The following HTR4 variants were observed in gnomAD, a reference collection of about 807,000 sequenced individuals.
HTR4 encodes 5-hydroxytryptamine (serotonin) receptor 4, G protein-coupled.
In HTR4, 16 loss-of-function variants were observed where a neutral mutation model predicts 36.8. That is an observed-to-expected ratio of 0.43 (90% CI 0.29 to 0.66). HTR4 has a LOEUF of 0.66. Ranked by LOEUF, HTR4 falls within the 30% of genes least tolerant of loss-of-function variation. HTR4 has a pLI of 0.13. For missense variants in HTR4, 438 were observed against 490.9 expected, an observed-to-expected ratio of 0.89 and a Z score of 1.02; for synonymous variants, 189 against 185.1, an observed-to-expected ratio of 1.02 and a Z score of -0.17.
intron 4 of HTR4, among the ~76,000 whole-genome samples, chr5:148,527,422 C>G (rs1425985484): frequency 6.6e-6 from 1 of 152,108 alleles, no homozygotes; most frequent in Non-Finnish European, 1.5e-5. Context: ...GCCAGTTTCC[C>G]TTGACATAAT....
chr5:148,500,164 G>GACAC (rs1435602033), intron 6 of HTR4, among the ~76,000 whole-genome samples: 3 of 152,176 alleles, frequency 2.0e-5, no homozygotes, highest in African/African-American at 7.2e-5. Context: ...ATTTCCAAGA[G>GACAC]ACACCTATAT....
intron 3 of HTR4, among the ~76,000 whole-genome samples, chr5:148,549,460 G>A (rs1759571947): frequency 6.6e-6 from 1 of 152,056 alleles, no homozygotes; most frequent in Non-Finnish European, 1.5e-5. Context: ...ACCCTCTTAT[G>A]GCCCAGAGGC....
chr5:148,552,098 T>C (rs2113852251), intron 2 of HTR4, among the ~76,000 whole-genome samples: 1 of 152,304 alleles, frequency 6.6e-6, no homozygotes, highest in Non-Finnish European at 1.5e-5. Context: ...TGCAAAGTCA[T>C]GGCTTTGGCC....
At chr5:148,485,773 A>G (rs1159447310) in intron 6 of HTR4, among the ~76,000 whole-genome samples, 1 of 152,178 alleles carries the variant, frequency 6.6e-6, no homozygotes. Context: ...ATAATAAAGA[A>G]TGAGGGGTGA....
chr5:148,497,667 A>T (rs920050125), intron 6 of HTR4, among the ~76,000 whole-genome samples: 4 of 152,196 alleles, frequency 2.6e-5, no homozygotes, highest in Non-Finnish European at 4.4e-5. Context: ...ACCAAGACAG[A>T]TATTGGTGGG....
chr5:148,529,645 C>A (rs1337911797), intron 4 of HTR4, among the ~76,000 whole-genome samples: 1 of 152,096 alleles, frequency 6.6e-6, no homozygotes, highest in Non-Finnish European at 1.5e-5. Flanking sequence ...AAATTGGTAC[C>A]AGGAGTGGGG....
intron 2 of HTR4, among the ~76,000 whole-genome samples, chr5:148,619,552 A>T (rs1240744892): frequency 2.0e-5 from 3 of 152,204 alleles, no homozygotes; most frequent in Non-Finnish European, 2.9e-5. Context: ...TTTTATGTAC[A>T]GACAACGTGG....
At chr5:148,613,828 C>T (rs1228723122) in intron 2 of HTR4, among the ~76,000 whole-genome samples, 6 of 151,534 alleles carry the variant, frequency 4.0e-5, no homozygotes, top group African/African-American at 1.5e-4. Context: ...GCAACTTCAG[C>T]AAAGTCTCAG....
intron 2 of HTR4, among the ~76,000 whole-genome samples, chr5:148,595,279 C>T (rs1347628826): frequency 6.6e-6 from 1 of 152,100 alleles, no homozygotes; most frequent in Non-Finnish European, 1.5e-5. Context: ...TCAAACATTA[C>T]AGGACTTCTC....
chr5:148,485,074 G>A lies in HTR4; in HGVS notation c.1077-1781C>T, dbSNP rs185879928. On this transcript the variant is annotated intron_variant, in intron 6 of 6. Transcript: ENST00000377888. ...AGAAGGAAGGGAAAGAGGGAGAGAGGGAAGAAAGAAAATAAGAATTTCTCA... is the reference window on the plus strand; with the variant it reads ...AGAAGGAAGGGAAAGAGGGAGAGAGAGAAGAAAGAAAATAAGAATTTCTCA... 7.0e-3 allele frequency among the ~76,000 whole-genome samples: 1,071 copies of A among 151,920 alleles called. 47 individuals are homozygous for A. Among genetic ancestry groups the A allele is most frequent in the Admixed American group, 0.066 (999 of 15,246 alleles).
intron 6 of HTR4, among the ~76,000 whole-genome samples, chr5:148,508,532 T>C (rs1757332928): frequency 6.6e-6 from 1 of 152,120 alleles, no homozygotes; most frequent in African/African-American, 2.4e-5. Flanking sequence ...TCCTTCCTTG[T>C]ACTGTTCTAT....
intron 2 of HTR4, among the ~76,000 whole-genome samples, chr5:148,577,147 T>C (rs1343446742): frequency 6.6e-6 from 1 of 152,000 alleles, no homozygotes; most frequent in Non-Finnish European, 1.5e-5. Context: ...TATTAAAAAG[T>C]GGGCAAAGGA....
intron 1 of HTR4, among the ~76,000 whole-genome samples, chr5:148,643,150 G>A (rs973157634): frequency 4.6e-5 from 7 of 152,044 alleles, no homozygotes; most frequent in South Asian, 2.1e-4. Context: ...ATACTGATAC[G>A]TACAATTAGG....
chr5:148,460,435 T>G (rs1236797040), intron 5 of HTR4, among the ~76,000 whole-genome samples: 1 of 152,040 alleles, frequency 6.6e-6, no homozygotes, highest in Non-Finnish European at 1.5e-5. Flanking sequence ...AGATAAAAAT[T>G]ACATCCAACT....
chr5:148,519,200 G>T (rs1757896459), intron 5 of HTR4, among the ~76,000 whole-genome samples: 1 of 152,134 alleles, frequency 6.6e-6, no homozygotes, highest in Non-Finnish European at 1.5e-5. Flanking sequence ...AACATGTGAA[G>T]AATTTAGTAT....
chr5:148,453,420 T>A (rs1006076194), intron 5 of HTR4, among the ~76,000 whole-genome samples: 3 of 152,232 alleles, frequency 2.0e-5, no homozygotes, highest in African/African-American at 7.2e-5. Context: ...TATGCCTAGT[T>A]AGCAATATTT....
chr5:148,622,238 T>C (rs1485480900), intron 2 of HTR4, among the ~76,000 whole-genome samples: 2 of 152,194 alleles, frequency 1.3e-5, no homozygotes, highest in Non-Finnish European at 2.9e-5. Flanking sequence ...AGATTACTCA[T>C]TGCTATGGTC....
intron 2 of HTR4, among the ~76,000 whole-genome samples, chr5:148,573,649 A>G (rs1184917611): frequency 2.0e-5 from 3 of 152,044 alleles, no homozygotes; most frequent in African/African-American, 7.2e-5. Flanking sequence ...AATGAACAAC[A>G]TAATGAGCAC....
chr5:148,476,195 A>C (rs1755689008), downstream of HTR4, among the ~76,000 whole-genome samples: 2 of 152,232 alleles, frequency 1.3e-5, no homozygotes, highest in South Asian at 4.1e-4. Flanking sequence ...GGCTCAGTTC[A>C]TGCTTCATTT....
Sources: allele counts gnomAD v4.1 joint callset (sites outside exome capture counted in the v4.1 genomes callset), GRCh38; gene constraint gnomAD v4.1.1; transcripts MANE v1.5; gene names NCBI Gene and HGNC (gene_info 2026-07-23, HGNC 2026-07-21).